Variants in AP1M2 observed in about 807,000 individuals in gnomAD.
AP1M2 encodes adaptor related protein complex 1 subunit mu 2, also known as AP-1 complex subunit mu-2.
A neutral mutation model predicts 54.6 loss-of-function variants in AP1M2; 41 were observed. That is an observed-to-expected ratio of 0.75 (90% CI 0.59 to 0.97). The LOEUF is 0.97. AP1M2 is among the 50% of genes least tolerant of loss of function. The pLI, the probability that AP1M2 is intolerant of heterozygous loss-of-function variation, is 0.00. For missense variants in AP1M2, 507 were observed against 561.2 expected (o/e 0.90, Z 0.98); for synonymous variants, 219 against 215.9 (o/e 1.01, Z -0.13).
chr19:10,581,872 A>G lies in AP1M2; in HGVS notation c.274T>C (p.Cys92Arg), dbSNP rs756399358. The G allele has an allele frequency of 6.2e-7, 1 of 1,610,732 alleles. No homozygotes were observed. ...SFLYKTIEVF[C>R]EYFKELEEES... ...TCCTCCAGCTCCTTGAAGTATTCGC[A>G]GAATACCTGGGGGTTGGAGGAGAGA... The change falls in exon 4 of 12, where the codon TGC (cysteine) becomes CGC (arginine). Residue 92 changes from cysteine (C) to arginine (R), a missense_variant. By Grantham distance (180) the Cys-to-Arg change is radical. Transcript: ENST00000250244.
chr19:10,581,590 C>G lies in AP1M2; in HGVS notation c.443G>C (p.Arg148Pro), dbSNP rs769031495. Residue 148 changes from arginine to proline, a missense_variant, in exon 5 of 12, where the codon CGG (arginine) becomes CCG (proline). Physicochemically the swap from Arg to Pro is moderately radical, Grantham distance 103 (BLOSUM62 -2). Coordinates refer to ENST00000250244, the MANE Select transcript of AP1M2 (RefSeq NM_005498.5). ...AGCGTTGGTGACAGTGGGTGGCACCCGTGACTTGCCCGTCTCCAGCTTGTT... is the reference window on the plus strand; with the variant it reads ...AGCGTTGGTGACAGTGGGTGGCACCGGTGACTTGCCCGTCTCCAGCTTGTT... ...QSNKLETGKS[R>P]VPPTVTNAVS... The G allele has an allele frequency of 6.2e-7, 1 of 1,613,750 alleles. No individual in the cohort carries two copies. The highest frequency in any genetic ancestry group is 1.7e-5 in the Admixed American group (1 of 59,936).
intron 1 of AP1M2, among the ~76,000 whole-genome samples, chr19:10,585,263 GGAAAGAAAGAAAGAAGAAAAAAA>G (rs1917596079): frequency 1.4e-5 from 1 of 71,316 alleles, no homozygotes; most frequent in South Asian, 4.1e-4. Context: ...AAGGAAAGAA[GGAAAGAAAGAAAGAAGAAAAAAA>G]GAAAGAAAGA....
In AP1M2 at chr19:10,579,846, T is replaced by C. The variant is rs1917375280; in HGVS notation, c.686A>G (p.Lys229Arg). Residue 229 changes from lysine to arginine, a missense_variant, in exon 7 of 12, where the codon AAA becomes AGA. Coordinates refer to ENST00000250244, the MANE Select transcript of AP1M2 (RefSeq NM_005498.5). ...LFELTGRSKN[K>R]SVELEDVKFH... ...TTTTACATCCTCCAGCTCTACTGAT[T>C]TGTTCTTGCTGCCTGAAACTCAGAG... 6.2e-7 allele frequency: 1 copy of C among 1,609,462 alleles called. No homozygotes were observed. The highest frequency in any genetic ancestry group is 1.1e-5 in the South Asian group (1 of 90,470).
intron 9 of AP1M2, among the ~76,000 whole-genome samples, chr19:10,575,910 C>T (rs1357079893): frequency 1.4e-5 from 2 of 146,288 alleles, no homozygotes; most frequent in Non-Finnish European, 3.0e-5. Flanking sequence ...GGACTACAGG[C>T]GCCCGCCACC....
Position 10,581,743 on chromosome 19 carries a change from C to T in AP1M2, c.398+5G>A, listed in dbSNP as rs1917469996. 1 of 1,613,142 alleles carries T rather than the reference C, an allele frequency of 6.2e-7. No homozygotes were observed. The highest frequency in any genetic ancestry group is 8.5e-7 in the Non-Finnish European group (1 of 1,179,758). Reference sequence around the variant, plus strand: ...GCCCATGGCTGCCTCCAGGGGTCCACTCACTCCTGCAGGATCTTGCTGTCG... The same window carrying T: ...GCCCATGGCTGCCTCCAGGGGTCCATTCACTCCTGCAGGATCTTGCTGTCG... On this transcript the variant is annotated splice_donor_5th_base_variant and intron_variant, in intron 4 of 11. Coordinates refer to ENST00000250244, the MANE Select transcript of AP1M2 (RefSeq NM_005498.5).
In AP1M2 at chr19:10,583,633, C is replaced by T. The variant is rs375056053; in HGVS notation, c.240G>A (p.Val80=). 4.3e-6 allele frequency: 7 copies of T among 1,613,396 alleles called. No homozygotes were observed. The African/African-American group carries it at 6.7e-5, about 15-fold the overall frequency. The change falls in exon 3 of 12, where the codon GTG becomes GTA. Residue 80 remains valine, a synonymous_variant. Coordinates refer to ENST00000250244, the MANE Select transcript of AP1M2 (RefSeq NM_005498.5). ...TTSKNANASL[V]YSFLYKTIEV... is the part of the protein sequence containing the mutation. Reference sequence around the variant, plus strand: ...CTATTGTCTTATACAGGAAGGAGTACACCAGGGAGGCATTGGCATTCTTCG... The same window carrying T: ...CTATTGTCTTATACAGGAAGGAGTATACCAGGGAGGCATTGGCATTCTTCG...
chr19:10,587,272 G>A lies in AP1M2; in HGVS notation c.-41C>T, dbSNP rs1039831537. On this transcript the variant is annotated 5_prime_UTR_variant, in exon 1 of 12. Transcript: ENST00000250244. ...ACTTAGGAGTCGGGGAGGGAGCGCCGGGAGGCGATGGCGGCGCCGCTTCCT... is the reference window on the plus strand; with the variant it reads ...ACTTAGGAGTCGGGGAGGGAGCGCCAGGAGGCGATGGCGGCGCCGCTTCCT... 1 of 1,554,756 alleles carries A rather than the reference G, an allele frequency of 6.4e-7. No homozygotes were observed. The highest frequency in any genetic ancestry group is 8.7e-7 in the Non-Finnish European group (1 of 1,148,974).
At chr19:10,578,170 G>A (rs1917309331) in intron 8 of AP1M2, among the ~76,000 whole-genome samples, 1 of 152,322 alleles carries the variant, frequency 6.6e-6, no homozygotes, top group South Asian at 2.1e-4. Context: ...GCAGGCAAAT[G>A]CCTTAACTTC....
rs776090176 is a variant in AP1M2, at chr19:10,581,388, T to C, written c.551A>G (p.Asn184Ser). The C allele has an allele frequency of 3.7e-6, 6 of 1,611,306 alleles. No homozygotes were observed. Among genetic ancestry groups the C allele is most frequent in the African/African-American group, 2.7e-5 (2 of 74,874 alleles). The change falls in exon 6 of 12, where the codon AAT becomes AGT. Residue 184 changes from asparagine to serine, a missense_variant. Physicochemically the swap from Asn to Ser is conservative, Grantham distance 46. Coordinates refer to ENST00000250244, the MANE Select transcript of AP1M2 (RefSeq NM_005498.5). ...DVIESVNLLV[N>S]ANGSVLLSEI... ...GCTCAGAAGGACGCTGCCGTTGGCA[T>C]TGACCTGAGGGAGGACGTTGGGTAT...
chr19:10,585,294 A>AGAAAGAAGGAAGGAAG (rs748630684), intron 1 of AP1M2, among the ~76,000 whole-genome samples: 8,453 of 114,930 alleles, frequency 0.074, 719 homozygotes, highest in Non-Finnish European at 0.12. Flanking sequence ...AAAGAAAGAA[A>AGAAAGAAGGAAGGAAG]GAAAGAAAGA....
Position 10,572,963 on chromosome 19 carries a change from T to C in AP1M2, c.*103A>G. The C allele has an allele frequency of 8.0e-7, 1 of 1,257,356 alleles. No homozygotes were observed. The highest frequency in any genetic ancestry group is 1.1e-6 in the Non-Finnish European group (1 of 882,760). 77.9% of individuals were successfully genotyped at this position (1,257,356 alleles called of 1,614,324 possible). ...GCAAGAAACTGCCAAGTCCAGGACC[T>C]GCCCTCACACAGACACACACAGCCC... On this transcript the variant is annotated 3_prime_UTR_variant, in exon 12 of 12. Transcript: ENST00000250244.
At chr19:10,577,457 G>A (rs566854692) in intron 8 of AP1M2, 101 bp from the exon 9 acceptor site, 34 of 940,968 alleles carry the variant, frequency 3.6e-5, no homozygotes, top group African/African-American at 1.3e-4. Flanking sequence ...TTTTTGAGAC[G>A]GAGTCTCACT....
At chr19:10,573,445 G>A (rs1175859585) in intron 11 of AP1M2, among the ~76,000 whole-genome samples, 1 of 151,712 alleles carries the variant, frequency 6.6e-6, no homozygotes, top group East Asian at 1.9e-4. Context: ...GGGGAGGGGT[G>A]AAGGAAGAGG....
At chr19:10,578,293 G>C (rs73018643) in intron 8 of AP1M2, among the ~76,000 whole-genome samples, 37,660 of 151,992 alleles carry the variant, frequency 0.25, 5,462 homozygotes, top group East Asian at 0.62. Context: ...AAAAGCCGGG[G>C]GTGGTGGGCC....
intron 3 of AP1M2, among the ~76,000 whole-genome samples, chr19:10,583,194 G>A (rs887654243): frequency 7.2e-5 from 11 of 151,944 alleles, no homozygotes; most frequent in African/African-American, 2.4e-4. Context: ...GAGGAAGCAG[G>A]GAAGCTGGGA....
Position 10,578,891 on chromosome 19 carries a change from C to T in AP1M2, c.888+1G>A, listed in dbSNP as rs1183387605. 6.2e-6 allele frequency: 10 copies of T among 1,607,144 alleles called. No individual in the cohort carries two copies. The South Asian group carries it at 1.1e-4, about 18-fold the overall frequency. On this transcript the variant is annotated splice_donor_variant, in intron 8 of 11. Transcript: ENST00000250244. LOFTEE classifies it high-confidence loss of function. ...TTAATAAGCATTCCCCCAAGGCCCA[C>T]CTTGACCATGATCTCCACGCGGCTG...
At chr19:10,587,135 C>A in intron 1 of AP1M2, 55 bp downstream of exon 1, 1 of 1,542,688 alleles carries the variant, frequency 6.5e-7, no homozygotes, top group Non-Finnish European at 8.8e-7. Context: ...GCCCCTGAAT[C>A]CCTGGGAGCG....
intron 3 of AP1M2, 180 bp downstream of exon 3, chr19:10,583,426 G>A: frequency 2.1e-6 from 1 of 466,922 alleles, no homozygotes; most frequent in East Asian, 3.2e-5. Flanking sequence ...CTTCAATCCA[G>A]AAGTTCTAGA....
chr19:10,580,648 C>T (rs1401961772), intron 6 of AP1M2, among the ~76,000 whole-genome samples: 5 of 151,558 alleles, frequency 3.3e-5, no homozygotes, highest in South Asian at 4.2e-4. Flanking sequence ...GGTGACGGAG[C>T]GAGACTCCAT....
Sources: gnomAD v4.1 joint callset for allele counts (sites outside exome capture counted in the v4.1 genomes callset) on GRCh38, gnomAD v4.1.1 for gene constraint, MANE v1.5 for transcripts, NCBI Gene and HGNC (gene_info 2026-07-23, HGNC 2026-07-21) for gene names.